TMPRSS11F: variants seen among roughly 807,000 people sequenced by gnomAD.
TMPRSS11F encodes transmembrane serine protease 11F, also known as transmembrane protease serine 11F.
In TMPRSS11F, 47 loss-of-function variants were observed where a neutral mutation model predicts 60.2. The observed-to-expected ratio is 0.78, with a 90% confidence interval of 0.62 to 1.00. TMPRSS11F has a LOEUF of 1.00. Among genes scored for constraint, TMPRSS11F ranks in the 50% least tolerant of loss-of-function variants. The pLI is 0.00. For missense variants in TMPRSS11F, 519 were observed against 522.9 expected, an observed-to-expected ratio of 0.99 and a Z score of 0.07; for synonymous variants, 166 against 167.3, an observed-to-expected ratio of 0.99 and a Z score of 0.06.
intron 1 of TMPRSS11F, among the ~76,000 whole-genome samples, chr4:68,105,849 C>A (rs1724293740): frequency 6.6e-6 from 1 of 151,906 alleles, no homozygotes; most frequent in African/African-American, 2.4e-5. Context: ...GAATATAAAC[C>A]TATCAGTATT....
At position 68,112,708 on chromosome 4, in the gene TMPRSS11F, C is replaced by T. The variant is rs138087708; in HGVS notation, c.12-13670G>A. The stretch of plus-strand genomic sequence containing the variant: ...GAATAGTACCTATTTTGCTCATTGC[C>T]GTAACTCCAGTGTCTAGCACAGTAC... On this transcript the variant is annotated intron_variant, in intron 1 of 9. Coordinates refer to ENST00000356291, the MANE Select transcript of TMPRSS11F (RefSeq NM_207407.2). 1.4e-3 allele frequency among the ~76,000 whole-genome samples: 206 copies of T among 152,094 alleles called. 2 individuals carry two copies. Among genetic ancestry groups the T allele is most frequent in the African/African-American group, 4.3e-3 (180 of 41,518 alleles).
At chr4:68,087,527 A>G (rs1447530600) in intron 3 of TMPRSS11F, among the ~76,000 whole-genome samples, 1 of 152,156 alleles carries the variant, frequency 6.6e-6, no homozygotes, top group East Asian at 1.9e-4. Flanking sequence ...GAGGCAAGAG[A>G]AAAAAGTAAA....
chr4:68,068,827 A>G lies in TMPRSS11F; in HGVS notation c.554-8T>C. 2 of 1,613,634 alleles carry G rather than the reference A, an allele frequency of 1.2e-6. No individual in the cohort carries two copies. The highest frequency in any genetic ancestry group is 1.7e-6 in the Non-Finnish European group (2 of 1,179,584). On this transcript the variant is annotated splice_polypyrimidine_tract_variant and splice_region_variant and intron_variant, in intron 6 of 9. Transcript: ENST00000356291. ...TCATCCTTATTCCACAGCCTGCCAC[A>G]GAAATACATGATCATTCATATTCAT...
At chr4:68,100,278 G>A (rs1724166154) in intron 1 of TMPRSS11F, among the ~76,000 whole-genome samples, 1 of 152,078 alleles carries the variant, frequency 6.6e-6, no homozygotes, top group Non-Finnish European at 1.5e-5. Context: ...CCCAAAGTAA[G>A]CACCTGGAAA....
chr4:68,091,454 T>G (rs1372159890), intron 2 of TMPRSS11F, among the ~76,000 whole-genome samples: 5 of 152,134 alleles, frequency 3.3e-5, no homozygotes, highest in African/African-American at 2.4e-5. Flanking sequence ...TATTGATGAC[T>G]CCTAAATTCT....
intron 1 of TMPRSS11F, among the ~76,000 whole-genome samples, chr4:68,115,191 AT>A (rs1724490920): frequency 6.6e-6 from 1 of 151,052 alleles, no homozygotes; most frequent in Non-Finnish European, 1.5e-5. Context: ...TTACTAAAAA[AT>A]ACAAAAAAAG....
intron 5 of TMPRSS11F, among the ~76,000 whole-genome samples, chr4:68,072,122 T>C (rs546950784): frequency 4.7e-5 from 7 of 149,388 alleles, no homozygotes; most frequent in African/African-American, 1.7e-4. Context: ...TAGTAAAATA[T>C]GAAAAAAGAA....
At chr4:68,065,999 C>T (rs1723317461) in intron 7 of TMPRSS11F, among the ~76,000 whole-genome samples, 1 of 151,716 alleles carries the variant, frequency 6.6e-6, no homozygotes. Flanking sequence ...GCCTGTAGTA[C>T]CAACTACTCA....
rs142603346 is a variant in TMPRSS11F at position 68,108,136 on chromosome 4, C to T, written c.12-9098G>A. Among the ~76,000 whole-genome samples the T allele has an allele frequency of 4.0e-3, 613 of 152,014 alleles. 3 individuals are homozygous for T. The highest frequency in any genetic ancestry group is 6.7e-3 in the Non-Finnish European group (455 of 67,998). On this transcript the variant is annotated intron_variant, in intron 1 of 9. Transcript: ENST00000356291. ...GCTACTTGAAGTAGGATGCTAGCAACGAGGAAATCAGAACATATAACTGGA... is the reference window on the plus strand; with the variant it reads ...GCTACTTGAAGTAGGATGCTAGCAATGAGGAAATCAGAACATATAACTGGA...
At chr4:68,097,501 T>C (rs1178700130) in intron 2 of TMPRSS11F, among the ~76,000 whole-genome samples, 2 of 152,106 alleles carry the variant, frequency 1.3e-5, no homozygotes, top group Non-Finnish European at 2.9e-5. Flanking sequence ...CTATCCAAAA[T>C]ATCCAGGATA....
At chr4:68,095,946 A>G (rs1419300714) in intron 2 of TMPRSS11F, among the ~76,000 whole-genome samples, 4 of 150,546 alleles carry the variant, frequency 2.7e-5, no homozygotes, top group African/African-American at 7.3e-5. Context: ...GTGGTTCTGC[A>G]TCTGCATAGT....
At chr4:68,092,572 C>G (rs7665380) in intron 2 of TMPRSS11F, among the ~76,000 whole-genome samples, 2 of 151,830 alleles carry the variant, frequency 1.3e-5, no homozygotes, top group East Asian at 1.9e-4. Context: ...CTGATGGATG[C>G]GTGGATGAAT....
At chr4:68,092,986 T>C (rs920304885) in intron 2 of TMPRSS11F, among the ~76,000 whole-genome samples, 2 of 152,202 alleles carry the variant, frequency 1.3e-5, no homozygotes, top group Non-Finnish European at 2.9e-5. Flanking sequence ...TAATTAATAA[T>C]ACCTTTCCTT....
intron 1 of TMPRSS11F, among the ~76,000 whole-genome samples, chr4:68,123,315 C>A (rs1488359838): frequency 6.6e-6 from 1 of 152,024 alleles, no homozygotes; most frequent in Non-Finnish European, 1.5e-5. Flanking sequence ...GAATTAGTTG[C>A]CCAAAAAGAA....
chr4:68,089,757 T>C (rs1049608992), intron 3 of TMPRSS11F, among the ~76,000 whole-genome samples: 2 of 152,136 alleles, frequency 1.3e-5, no homozygotes, highest in African/African-American at 4.8e-5. Flanking sequence ...ATGGGAATGC[T>C]AAAGTTCTCC....
rs1723838334 is a variant in TMPRSS11F, at chr4:68,087,576, T to C, written c.282+2947A>G. 2.8e-5 allele frequency among the ~76,000 whole-genome samples: 4 copies of C among 141,346 alleles called. No individual in the cohort carries two copies. In the South Asian group the frequency reaches 7.3e-4, roughly 26 times the overall value. The allele number at this position is 141,346 out of a possible 152,430, so 92.7% of individuals were successfully genotyped here. A position where few individuals can be genotyped will look rare whatever the true frequency, so the allele number is the denominator to read the frequency against. On this transcript the variant is annotated intron_variant, in intron 3 of 9. Coordinates refer to ENST00000356291, the MANE Select transcript of TMPRSS11F (RefSeq NM_207407.2). ...GAAAAAGAAGTAGTTAAATAATCTA[T>C]CTTCACAAATGATACAATTCTATGT... is the stretch of plus-strand genomic sequence containing the variant.
Position 68,053,900 on chromosome 4 carries a change from C to T in TMPRSS11F, c.*9G>A, listed in dbSNP as rs754391860. The T allele has an allele frequency of 9.9e-6, 16 of 1,610,764 alleles. No homozygotes were observed. Among genetic ancestry groups the T allele is most frequent in the Non-Finnish European group, 1.3e-5 (15 of 1,177,778 alleles). On this transcript the variant is annotated 3_prime_UTR_variant, in exon 10 of 10. Transcript: ENST00000356291. ...GTGTGCCATGTGTATAACTCATGGG[C>T]AATCCACACTACATACCAGTCTTTG...
At chr4:68,121,257 T>C (rs1250122941) in intron 1 of TMPRSS11F, among the ~76,000 whole-genome samples, 1 of 152,176 alleles carries the variant, frequency 6.6e-6, no homozygotes, top group Non-Finnish European at 1.5e-5. Context: ...TAACAGCCCA[T>C]AAAATGTTTC....
chr4:68,124,594 T>C lies in TMPRSS11F; in HGVS notation c.11+5216A>G, dbSNP rs139809023. On this transcript the variant is annotated intron_variant, in intron 1 of 9. Transcript: ENST00000356291. The stretch of plus-strand genomic sequence containing the variant: ...GTTATTTGACATCAATGTATTGCAC[T>C]AAAGGCCTCATTCATTTGGGGTCCT... Among the ~76,000 whole-genome samples the C allele has an allele frequency of 6.4e-3, 982 of 152,338 alleles. 10 individuals carry two copies. The highest frequency in any genetic ancestry group is 0.01 in the Non-Finnish European group (710 of 68,024).
Sources: allele counts gnomAD v4.1 joint callset (sites outside exome capture counted in the v4.1 genomes callset), GRCh38; gene constraint gnomAD v4.1.1; transcripts MANE v1.5; gene names NCBI Gene and HGNC (gene_info 2026-07-23, HGNC 2026-07-21).